GREP1: variants seen among roughly 807,000 people sequenced by gnomAD.
GREP1 encodes the protein glycine rich extracellular protein 1.
chr16:2,995,151 C>G (rs927675824), intron 13 of GREP1, 133 bp from the exon 15 acceptor site: 1 of 395,956 alleles, frequency 2.5e-6, no homozygotes, highest in East Asian at 3.6e-5. Flanking sequence ...CCCCGACAAG[C>G]CCCCCACCTC....
rs1431587799 is a variant in GREP1 at position 2,992,286 on chromosome 16, G to C, written c.323-519G>C. The C allele has an allele frequency of 6.6e-6, 1 of 152,572 alleles. No homozygotes were observed. Among genetic ancestry groups the C allele is most frequent in the East Asian group, 1.9e-4 (1 of 5,206 alleles). 9.5% of individuals were successfully genotyped at this position (152,572 alleles called of 1,614,324 possible). A position where few individuals can be genotyped will look rare whatever the true frequency, so the allele number is the denominator to read the frequency against. On this transcript the variant is annotated intron_variant, in intron 8 of 34. Transcript: ENST00000573315. The surrounding 1 kb of genome is among the most constrained non-coding windows in gnomAD (Gnocchi z 4.9). ...TGGGGGAGGACAGGGGATGGGTGGG[G>C]TCCGTGAGCCCCTGCTCTCCTCTCC... is the stretch of plus-strand genomic sequence containing the variant.
rs888092143 is a variant in GREP1 at position 2,989,759 on chromosome 16, G to A, written c.130+207G>A. 6.6e-6 allele frequency among the ~76,000 whole-genome samples: 1 copy of A among 152,020 alleles called. No homozygotes were observed. Among genetic ancestry groups the A allele is most frequent in the African/African-American group, 2.4e-5 (1 of 41,394 alleles). ...GAAGGCAGGCAGGAAGAAATGGAGC[G>A]GGGAGGGAAGAAAGGAAAGAGAGCA... On this transcript the variant is annotated intron_variant, in intron 3 of 34. Coordinates refer to ENST00000573315, the Ensembl canonical transcript of GREP1. This position sits in a 1 kb window ranked among gnomAD's most constrained non-coding sequence, Gnocchi z 4.2.
At position 2,994,972 on chromosome 16, in the gene GREP1, GT is replaced by G. The variant is rs1485680619; in HGVS notation, c.484+11del. 1 of 399,216 alleles carries G rather than the reference GT, an allele frequency of 2.5e-6. No homozygotes were observed. Among genetic ancestry groups the G allele is most frequent in the East Asian group, 3.6e-5 (1 of 28,056 alleles). 24.7% of individuals were successfully genotyped at this position (399,216 alleles called of 1,614,324 possible). On this transcript the variant is annotated intron_variant, in intron 13 of 34. Transcript: ENST00000573315. ...CTGGGAGCCCAGCCAGGTGAAGGGG[GT>G]ACAGTCTGGGGTTCCAGGGTCTGCA...
rs1022915098 is a variant in GREP1, at chr16:2,989,648, T to C, written c.130+96T>C. On this transcript the variant is annotated intron_variant, in intron 3 of 34. Coordinates refer to ENST00000573315, the Ensembl canonical transcript of GREP1. The surrounding 1 kb of genome is among the most constrained non-coding windows in gnomAD (Gnocchi z 4.2). ...CAGGGAAAGCTGGGCGGGGGGCAGG[T>C]AAAGGGGGAAGCAGTCGTCTCAGAA... The C allele has an allele frequency of 1.0e-5, 4 of 382,782 alleles. No homozygotes were observed. The highest frequency in any genetic ancestry group is 9.2e-5 in the African/African-American group (4 of 43,574). The allele number at this position is 382,782 out of a possible 1,614,324, so 23.7% of individuals were successfully genotyped here.
chr16:2,990,834 G>A (rs959797680), intron 7 of GREP1, among the ~76,000 whole-genome samples: 1 of 152,142 alleles, frequency 6.6e-6, no homozygotes, highest in Non-Finnish European at 1.5e-5. Context: ...GCCTCAGCTC[G>A]GTGTGGCTGT....
At chr16:2,996,531 G>A (rs1762709019) in exon 19 of GREP1, 2 of 399,206 alleles carry the variant, frequency 5.0e-6, no homozygotes, top group South Asian at 1.3e-4. Context: ...AGTCCAGCCA[G>A]GTGAGGGCAG....
chr16:2,995,313 C>G (rs1034782451), exon 14 of GREP1: 16 of 398,956 alleles, frequency 4.0e-5, no homozygotes, highest in Admixed American at 1.3e-4. Flanking sequence ...GGCACAGGAG[C>G]CAGGTAAGCC....
At chr16:2,995,873 G>C (rs2072422085) in exon 18 of GREP1, 2 of 398,150 alleles carry the variant, frequency 5.0e-6, no homozygotes, top group Non-Finnish European at 4.4e-6. Flanking sequence ...GGAAAAGGCT[G>C]AGAGCAGGGG....
exon 6 of GREP1, chr16:2,990,471 G>A (rs2072392918): frequency 5.0e-6 from 2 of 399,360 alleles, no homozygotes; most frequent in East Asian, 7.1e-5. Flanking sequence ...AAGGGGGCAT[G>A]AAACCCCAAA....
intron 25 of GREP1, among the ~76,000 whole-genome samples, 158 bp from the exon 24 acceptor site, chr16:2,998,690 T>C (rs2072441306): frequency 6.6e-6 from 1 of 152,134 alleles, no homozygotes; most frequent in South Asian, 2.1e-4. Flanking sequence ...CCAAGGGAGC[T>C]GGGCTTTTTC....
rs2072445222 is a variant in GREP1, at chr16:2,999,301, G to A, written c.1189+1G>A. 1 of 398,810 alleles carries A rather than the reference G, an allele frequency of 2.5e-6. No homozygotes were observed. The highest frequency in any genetic ancestry group is 4.4e-6 in the Non-Finnish European group (1 of 226,276). The allele number at this position is 398,810 out of a possible 1,614,324, so 24.7% of individuals were successfully genotyped here. A position where few individuals can be genotyped will look rare whatever the true frequency, so the allele number is the denominator to read the frequency against. ...TGGGGACTGAAACCTCAGAAAGCAG[G>A]TGTGAGTCTGTCTGCCCCCAGGCCC... On this transcript the variant is annotated splice_donor_variant, in intron 27 of 34. Transcript: ENST00000573315. LOFTEE classifies it high-confidence loss of function.
intron 10 of GREP1, 132 bp downstream of exon 11, chr16:2,993,095 C>T (rs997369630): frequency 1.5e-5 from 6 of 395,286 alleles, no homozygotes; most frequent in Admixed American, 8.8e-5. Flanking sequence ...GGTGGGGAGT[C>T]GGGGCCTTCC....
At chr16:2,997,274 G>A (rs867045576) in intron 21 of GREP1, 189 bp downstream of exon 20, 2 of 398,642 alleles carry the variant, frequency 5.0e-6, no homozygotes, top group Admixed American at 8.8e-5. Context: ...TGAGGGAGGA[G>A]AGGTGGCGCC....
Position 2,990,139 on chromosome 16 carries a change from C to A in GREP1, c.199+17C>A. 5.0e-6 allele frequency: 2 copies of A among 399,240 alleles called. No homozygotes were observed. The highest frequency in any genetic ancestry group is 4.4e-5 in the Admixed American group (1 of 22,732). The allele number at this position is 399,240 out of a possible 1,614,324, so 24.7% of individuals were successfully genotyped here. A position where few individuals can be genotyped will look rare whatever the true frequency, so the allele number is the denominator to read the frequency against. ...CCCAGCCAGGTGAGAGCCGTGGGGT[C>A]CCCTCCTTCCCTCCCTCCCAGGCCT... On this transcript the variant is annotated intron_variant, in intron 5 of 34. Coordinates refer to ENST00000573315, the Ensembl canonical transcript of GREP1.
chr16:2,989,281 T>C lies in GREP1; in HGVS notation c.101-242T>C. On this transcript the variant is annotated intron_variant, in intron 2 of 34. Transcript: ENST00000573315. This position sits in a 1 kb window ranked among gnomAD's most constrained non-coding sequence, Gnocchi z 4.2. Reference sequence around the variant, plus strand: ...CTGCCCTAGCCCCAGACTGCTCACCTCCTCTGCCCTCTACCCTCCTGTGAC... The same window carrying C: ...CTGCCCTAGCCCCAGACTGCTCACCCCCTCTGCCCTCTACCCTCCTGTGAC... 1 of 389,536 alleles carries C rather than the reference T, an allele frequency of 2.6e-6. No individual in the cohort carries two copies. The highest frequency in any genetic ancestry group is 4.5e-6 in the Non-Finnish European group (1 of 220,724). The allele number at this position is 389,536 out of a possible 1,614,324, so 24.1% of individuals were successfully genotyped here. A position where few individuals can be genotyped will look rare whatever the true frequency, so the allele number is the denominator to read the frequency against.
rs2072396920 is a variant in GREP1, at chr16:2,991,110, A to C, written c.322+9A>C. On this transcript the variant is annotated intron_variant, in intron 8 of 34. Coordinates refer to ENST00000573315, the Ensembl canonical transcript of GREP1. This position sits in a 1 kb window ranked among gnomAD's most constrained non-coding sequence, Gnocchi z 4.9. ...GGCCGGAGCCCAGTCAGGTGAGGAA[A>C]CGTCGGGTGTGGCAGGACCTGGGCT... 1 of 399,110 alleles carries C rather than the reference A, an allele frequency of 2.5e-6. No individual in the cohort carries two copies. Among genetic ancestry groups the C allele is most frequent in the Admixed American group, 4.4e-5 (1 of 22,710 alleles). The allele number at this position is 399,110 out of a possible 1,614,324, so 24.7% of individuals were successfully genotyped here. A position where few individuals can be genotyped will look rare whatever the true frequency, so the allele number is the denominator to read the frequency against.
rs185818795 is a variant in GREP1, at chr16:2,995,060, G to A, written c.484+98G>A. 255 of 398,360 alleles carry A rather than the reference G, an allele frequency of 6.4e-4. 1 individual carries two copies. Among genetic ancestry groups the A allele is most frequent in the Middle Eastern group, 1.3e-3 (2 of 1,588 alleles). The allele number at this position is 398,360 out of a possible 1,614,324, so 24.7% of individuals were successfully genotyped here. A position where few individuals can be genotyped will look rare whatever the true frequency, so the allele number is the denominator to read the frequency against. On this transcript the variant is annotated intron_variant, in intron 13 of 34. Transcript: ENST00000573315. ...GAATGATGGAGAGGGGTGACGGGGCGTCTCCAAGATCCTTGGCTTCTGGCT... is the reference window on the plus strand; with the variant it reads ...GAATGATGGAGAGGGGTGACGGGGCATCTCCAAGATCCTTGGCTTCTGGCT...
At position 2,989,002 on chromosome 16, in the gene GREP1, T is replaced by C; in HGVS notation, c.100+380T>C. On this transcript the variant is annotated intron_variant, in intron 2 of 34. Transcript: ENST00000573315. The surrounding 1 kb of genome is among the most constrained non-coding windows in gnomAD (Gnocchi z 4.2). ...GGAGTGTCATGGAAGAGTCTTTACTTCAGGGACCTGGGGGGTCCTAAGGGT... is the reference window on the plus strand; with the variant it reads ...GGAGTGTCATGGAAGAGTCTTTACTCCAGGGACCTGGGGGGTCCTAAGGGT... 3.7e-6 allele frequency: 1 copy of C among 273,132 alleles called. No homozygotes were observed. Among genetic ancestry groups the C allele is most frequent in the Non-Finnish European group, 6.8e-6 (1 of 146,616 alleles). 16.9% of individuals were successfully genotyped at this position (273,132 alleles called of 1,614,324 possible).
chr16:2,997,958 C>A, intron 23 of GREP1, 123 bp downstream of exon 21: 1 of 370,936 alleles, frequency 2.7e-6, no homozygotes, highest in South Asian at 1.4e-4. Context: ...CTGGAGCCTT[C>A]CTGTGGGAAG....
Sources: allele counts gnomAD v4.1 joint callset (sites outside exome capture counted in the v4.1 genomes callset), GRCh38; gene constraint gnomAD v4.1.1; non-coding constraint Gnocchi (gnomAD v3.1); transcripts MANE v1.5; gene names NCBI Gene and HGNC (gene_info 2026-07-23, HGNC 2026-07-21).